Variants in LUZP1 observed in about 807,000 individuals in gnomAD.
The protein encoded by LUZP1 is filamin mechanobinding actin cross-linking protein.
Under a neutral mutation model 71.3 loss-of-function variants are expected in LUZP1, and 25 were observed. That is an observed-to-expected ratio of 0.35 (90% CI 0.26 to 0.49). The LOEUF is 0.49. LUZP1 is among the 20% of genes least tolerant of loss of function. LUZP1 has a pLI of 0.99. For synonymous variants in LUZP1, 481 were observed against 506.4 expected (o/e 0.95, Z 0.67); for missense variants, 1,142 against 1,300.8 (o/e 0.88, Z 1.88).
At chr1:23,151,452 T>C (rs187222558) in intron 2 of LUZP1, among the ~76,000 whole-genome samples, 1 of 152,284 alleles carries the variant, frequency 6.6e-6, no homozygotes, top group East Asian at 1.9e-4. Context: ...TACTATCTAA[T>C]CAATTAGCTC....
At chr1:23,157,524 C>T (rs1350770143) in intron 2 of LUZP1, among the ~76,000 whole-genome samples, 2 of 151,910 alleles carry the variant, frequency 1.3e-5, no homozygotes, top group African/African-American at 4.8e-5. Flanking sequence ...GGCACGGTGG[C>T]TCATGCCTAT....
At chr1:23,164,261 C>T (rs570610854) in intron 2 of LUZP1, among the ~76,000 whole-genome samples, 2 of 152,172 alleles carry the variant, frequency 1.3e-5, no homozygotes, top group African/African-American at 2.4e-5. Flanking sequence ...TTTGGGAGGC[C>T]GAAGCGGGCG....
intron 3 of LUZP1, among the ~76,000 whole-genome samples, chr1:23,106,397 G>C (rs1569577064): frequency 1.3e-5 from 2 of 152,232 alleles, no homozygotes; most frequent in Middle Eastern, 6.8e-3. Flanking sequence ...TTGAGCCCAG[G>C]AGTTCAAGAC....
intron 1 of LUZP1, among the ~76,000 whole-genome samples, chr1:23,176,062 CTT>C (rs57669214): frequency 1.6e-4 from 21 of 129,782 alleles, no homozygotes; most frequent in Non-Finnish European, 9.6e-5. Context: ...ACTTCCTTGA[CTT>C]TTTTTTTTTT....
intron 2 of LUZP1, among the ~76,000 whole-genome samples, chr1:23,131,648 A>C (rs1644216438): frequency 6.6e-6 from 1 of 152,136 alleles, no homozygotes; most frequent in Non-Finnish European, 1.5e-5. Context: ...AGGAGCAAGA[A>C]CATTGTTTCC....
Position 23,091,552 on chromosome 1 carries a change from G to A in LUZP1, c.2710C>T (p.His904Tyr), listed in dbSNP as rs1348819941. Residue 904 changes from histidine (H) to tyrosine (Y), a missense_variant, in exon 4 of 5, where the codon CAT becomes TAT. By Grantham distance (83) the His-to-Tyr change is moderately conservative. Coordinates refer to ENST00000302291, the Ensembl canonical transcript of LUZP1. ...AAGCCCACTTCTGAAGGGGCACTAT[G>A]GCTTTTCCACCTGATTGTCTCCGCT... 1.2e-6 allele frequency: 2 copies of A among 1,614,188 alleles called. No homozygotes were observed. Among genetic ancestry groups the A allele is most frequent in the East Asian group, 4.5e-5 (2 of 44,882 alleles).
At chr1:23,104,044 G>C (rs1009560691) in intron 3 of LUZP1, among the ~76,000 whole-genome samples, 2 of 152,004 alleles carry the variant, frequency 1.3e-5, no homozygotes, top group African/African-American at 4.8e-5. Context: ...GGTCTCTGTG[G>C]TAGGTTTGAG....
chr1:23,122,596 G>A (rs1245324582), intron 2 of LUZP1, among the ~76,000 whole-genome samples: 1 of 152,186 alleles, frequency 6.6e-6, no homozygotes, highest in Non-Finnish European at 1.5e-5. Context: ...CACTTTTCTG[G>A]CACAGGCTAA....
intron 2 of LUZP1, among the ~76,000 whole-genome samples, chr1:23,163,189 G>A (rs1364483747): frequency 3.5e-5 from 5 of 142,072 alleles, no homozygotes; most frequent in African/African-American, 7.9e-5. Flanking sequence ...GCAATGAGCC[G>A]AGATCACACC....
At position 23,176,211 on chromosome 1, in the gene LUZP1, G is replaced by A. The variant is rs139077001; in HGVS notation, c.-485+1280C>T. 1.2e-3 allele frequency among the ~76,000 whole-genome samples: 190 copies of A among 152,008 alleles called. 1 individual carries two copies. The highest frequency in any genetic ancestry group is 4.3e-3 in the African/African-American group (177 of 41,484). On this transcript the variant is annotated intron_variant, in intron 1 of 4. Coordinates refer to ENST00000302291, the Ensembl canonical transcript of LUZP1. ...CGAGTAGCTGGGATTATAGGCGTGCGCCACCACACCCAGTTAATTTTTGTA... is the reference window on the plus strand; with the variant it reads ...CGAGTAGCTGGGATTATAGGCGTGCACCACCACACCCAGTTAATTTTTGTA...
chr1:23,095,153 T>C (rs1167268985), intron 3 of LUZP1, among the ~76,000 whole-genome samples: 1 of 152,188 alleles, frequency 6.6e-6, no homozygotes, highest in Non-Finnish European at 1.5e-5. Context: ...ACCAAACATA[T>C]AATAATACCC....
chr1:23,151,819 T>C (rs1236396694), intron 2 of LUZP1, among the ~76,000 whole-genome samples: 1 of 152,034 alleles, frequency 6.6e-6, no homozygotes, highest in Non-Finnish European at 1.5e-5. Context: ...CTGGCCAATA[T>C]GGTGAAACCC....
In LUZP1 at chr1:23,169,971, T is replaced by TACACACACAC. The variant is rs35087847; in HGVS notation, c.-484-957_-484-948dup. Among the ~76,000 whole-genome samples the TACACACACAC allele has an allele frequency of 5.5e-3, 819 of 149,318 alleles. 9 individuals carry two copies. The highest frequency in any genetic ancestry group is 0.019 in the African/African-American group (750 of 40,480). On this transcript the variant is annotated intron_variant, in intron 1 of 4. Coordinates refer to ENST00000302291, the Ensembl canonical transcript of LUZP1. ...GCCTGGTATGATCACTTCCTACCTT[T>TACACACACAC]ACACACACACACACACACACACACA...
chr1:23,112,214 G>T (rs745870313), intron 2 of LUZP1, among the ~76,000 whole-genome samples: 1 of 152,214 alleles, frequency 6.6e-6, no homozygotes, highest in Non-Finnish European at 1.5e-5. Context: ...CCCAAAACAA[G>T]AGGATGACTG....
At chr1:23,170,462 CTTT>C (rs200073505) in intron 1 of LUZP1, among the ~76,000 whole-genome samples, 2 of 127,436 alleles carry the variant, frequency 1.6e-5, no homozygotes, top group Admixed American at 1.6e-4. Flanking sequence ...CTTTTTCTTT[CTTT>C]TTTTTTTTTT....
chr1:23,127,367 T>G (rs1274968787), intron 2 of LUZP1, among the ~76,000 whole-genome samples: 1 of 152,186 alleles, frequency 6.6e-6, no homozygotes, highest in Non-Finnish European at 1.5e-5. Flanking sequence ...TTCTTAAGGC[T>G]TCTCCCACCA....
chr1:23,092,054 A>G, exon 4 of LUZP1: 2 of 1,614,096 alleles, frequency 1.2e-6, no homozygotes, highest in Non-Finnish European at 1.7e-6. Flanking sequence ...TTTTTACCCC[A>G]GCACCATTGG....
At chr1:23,145,492 G>A (rs1178694781) in intron 2 of LUZP1, among the ~76,000 whole-genome samples, 6 of 140,440 alleles carry the variant, frequency 4.3e-5, no homozygotes, top group African/African-American at 8.0e-5. Flanking sequence ...TTTTTGAGAC[G>A]GAGTCTTACT....
chr1:23,109,694 T>C (rs1328094455), intron 2 of LUZP1: 3 of 152,214 alleles, frequency 2.0e-5, no homozygotes, highest in Non-Finnish European at 4.4e-5. Flanking sequence ...GTATAAGGTG[T>C]ATAGGAAACA....
Sources: gnomAD v4.1 joint callset for allele counts (sites outside exome capture counted in the v4.1 genomes callset) on GRCh38, gnomAD v4.1.1 for gene constraint, MANE v1.5 for transcripts, NCBI Gene and HGNC (gene_info 2026-07-23, HGNC 2026-07-21) for gene names.